The following GSE1 variants were observed in gnomAD, a reference collection of about 807,000 sequenced individuals.
GSE1 encodes the protein genetic suppressor element 1.
GSE1 carries 32 observed loss-of-function variants against 112.6 expected under a neutral mutation model. The observed-to-expected ratio is 0.28, with a 90% CI of 0.21 to 0.38. The LOEUF is 0.38. Among genes scored for constraint, GSE1 ranks in the 10% least tolerant of loss-of-function variants. GSE1 has a pLI of 1.00. For missense variants in GSE1, 2,348 were observed against 1,699.2 expected, an observed-to-expected ratio of 1.38 and a Z score of -6.71; for synonymous variants, 1,115 against 735.6, an observed-to-expected ratio of 1.52 and a Z score of -8.35.
rs892968759 is a variant in GSE1, at chr16:85,264,314, G to A, written c.2283+92507G>A. On this transcript the variant is annotated intron_variant, in intron 1 of 2. Coordinates refer to the GSE1 transcript ENST00000637419. The stretch of plus-strand genomic sequence containing the variant: ...CCTAGCTTAATAGCACAAGGAGGGA[G>A]ACCCTGCGGAGGACCCCGTCTCAGA... Among the ~76,000 whole-genome samples, 5 of 152,238 alleles carry A rather than the reference G, an allele frequency of 3.3e-5. No individual in the cohort carries two copies. The South Asian group carries it at 8.3e-4, about 25-fold the overall frequency.
intron 1 of GSE1, among the ~76,000 whole-genome samples, chr16:85,221,343 A>G (rs1597831727): frequency 6.6e-6 from 1 of 151,360 alleles, no homozygotes; most frequent in Non-Finnish European, 1.5e-5. Context: ...CACCCCAAGT[A>G]CATGCACACA....
chr16:85,471,483 A>T (rs944013808), intron 2 of GSE1, among the ~76,000 whole-genome samples: 11 of 152,186 alleles, frequency 7.2e-5, no homozygotes, highest in African/African-American at 1.7e-4. Flanking sequence ...GTGAGACCAT[A>T]GCTCACTGCA....
At chr16:85,235,694 T>C (rs886625768) in intron 1 of GSE1, among the ~76,000 whole-genome samples, 11 of 150,722 alleles carry the variant, frequency 7.3e-5, no homozygotes. Flanking sequence ...CCCCAGACCA[T>C]TGGGTGGCGT....
chr16:85,209,160 C>T (rs1015565414), intron 1 of GSE1, among the ~76,000 whole-genome samples: 14 of 152,316 alleles, frequency 9.2e-5, no homozygotes, highest in African/African-American at 3.4e-4. Flanking sequence ...TGTTTCTGTT[C>T]TCTGCTCACT....
At chr16:85,256,470 A>G (rs909743653) in intron 1 of GSE1, among the ~76,000 whole-genome samples, 5 of 152,202 alleles carry the variant, frequency 3.3e-5, no homozygotes, top group Non-Finnish European at 7.4e-5. Context: ...CTTGGTGCAG[A>G]TGGGGTAGCT....
At chr16:85,420,512 G>C (rs2048812745) in intron 2 of GSE1, among the ~76,000 whole-genome samples, 1 of 150,308 alleles carries the variant, frequency 6.7e-6, no homozygotes, top group African/African-American at 2.5e-5. Context: ...GGGCTTCCAG[G>C]GCCAAGGGGG....
intron 1 of GSE1, chr16:85,592,329 T>C (rs368509007): frequency 2.0e-4 from 31 of 152,258 alleles, no homozygotes; most frequent in African/African-American, 7.5e-4. Flanking sequence ...TTTGTATTTT[T>C]TGTAGAGACA....
intron 2 of GSE1, among the ~76,000 whole-genome samples, chr16:85,534,081 G>A (rs1406396697): frequency 1.3e-5 from 2 of 150,958 alleles, no homozygotes; most frequent in East Asian, 3.9e-4. Context: ...CTTGGCAACT[G>A]TCATCTGCTT....
intron 2 of GSE1, among the ~76,000 whole-genome samples, chr16:85,513,593 G>C (rs1017592571): frequency 6.6e-6 from 1 of 152,132 alleles, no homozygotes; most frequent in Admixed American, 6.5e-5. Context: ...TTCTTTGTCT[G>C]TCCAGCTTCT....
In GSE1 at chr16:85,663,415, G is replaced by C. The variant is rs2052589615; in HGVS notation, c.2445G>C (p.Arg815=). ...QQKEELVAQK[R]RKRRRMLRER... The stretch of plus-strand genomic sequence containing the variant: ...AGGAGGAATTGGTGGCCCAGAAGCG[G>C]AGGAAGCGGCGGAGGATGCTGCGAG... The change falls in exon 11 of 16, where the codon CGG becomes CGC. Residue 815 remains arginine (R), a synonymous_variant. Transcript: ENST00000253458. 1 of 1,613,818 alleles carries C rather than the reference G, an allele frequency of 6.2e-7. No individual in the cohort carries two copies. Among genetic ancestry groups the C allele is most frequent in the Admixed American group, 1.7e-5 (1 of 60,010 alleles).
rs182751342 is a variant in GSE1, at chr16:85,644,107, C to T, written c.227-4445C>T. 4.3e-3 allele frequency among the ~76,000 whole-genome samples: 650 copies of T among 152,162 alleles called. 3 individuals carry two copies. Among genetic ancestry groups the T allele is most frequent in the African/African-American group, 0.015 (629 of 41,496 alleles). On this transcript the variant is annotated intron_variant, in intron 2 of 15. Transcript: ENST00000253458. ...CTGTGGGCAACTGAGGCGGGAGGAT[C>T]GCTTGAGCCCAGGAGTTTGAGACCA...
At chr16:85,274,888 G>C (rs1909202541) in intron 1 of GSE1, among the ~76,000 whole-genome samples, 2 of 152,234 alleles carry the variant, frequency 1.3e-5, no homozygotes. Flanking sequence ...TGCATGTGGG[G>C]CCTGGCCCTC....
intron 1 of GSE1, among the ~76,000 whole-genome samples, chr16:85,572,198 AAC>A (rs1015561110): frequency 6.1e-5 from 9 of 146,556 alleles, no homozygotes; most frequent in South Asian, 2.2e-4. Flanking sequence ...CTACACACAC[AAC>A]ACACACAGCA....
rs1476817251 is a variant in GSE1, at chr16:85,631,731, A to G, written c.8-2183A>G. ...CTCAGGGGAGTGACCTCATGAGGTC[A>G]GCTTTGCTGTGCTGTTACCCCGTTT... On this transcript the variant is annotated intron_variant, in intron 1 of 15. Transcript: ENST00000253458. 2.6e-5 allele frequency among the ~76,000 whole-genome samples: 4 copies of G among 152,254 alleles called. 1 individual carries two copies. The East Asian group carries it at 7.7e-4, about 29-fold the overall frequency.
intron 2 of GSE1, among the ~76,000 whole-genome samples, chr16:85,465,524 C>T (rs2050099339): frequency 6.6e-6 from 1 of 152,232 alleles, no homozygotes; most frequent in Non-Finnish European, 1.5e-5. Flanking sequence ...TTAATGACTG[C>T]ACACTGTCAG....
intron 1 of GSE1, among the ~76,000 whole-genome samples, chr16:85,353,683 T>G (rs1197867003): frequency 6.6e-6 from 1 of 152,162 alleles, no homozygotes; most frequent in Non-Finnish European, 1.5e-5. Context: ...AAAACATGTT[T>G]AAAAAGAGGT....
intron 2 of GSE1, among the ~76,000 whole-genome samples, chr16:85,480,967 C>A (rs572447202): frequency 3.1e-4 from 47 of 152,276 alleles, no homozygotes; most frequent in Non-Finnish European, 6.0e-4. Context: ...CTTCCACCCC[C>A]TCCTGGGACA....
chr16:85,483,025 C>T (rs187285027), intron 2 of GSE1, among the ~76,000 whole-genome samples: 3 of 151,806 alleles, frequency 2.0e-5, no homozygotes, highest in Admixed American at 6.6e-5. Flanking sequence ...AGCAGTGCGA[C>T]GCTACATCTG....
At chr16:85,295,653 C>T (rs993773784) in intron 1 of GSE1, among the ~76,000 whole-genome samples, 3 of 152,214 alleles carry the variant, frequency 2.0e-5, no homozygotes, top group African/African-American at 4.8e-5. Context: ...GAATTAGAGT[C>T]CCCTCTTGCT....
Sources: gnomAD v4.1 joint callset for allele counts (sites outside exome capture counted in the v4.1 genomes callset) on GRCh38, gnomAD v4.1.1 for gene constraint, MANE v1.5 for transcripts, NCBI Gene and HGNC (gene_info 2026-07-23, HGNC 2026-07-21) for gene names.